The following CCR7 variants were observed in gnomAD, a reference collection of about 807,000 sequenced individuals.
The protein encoded by CCR7 is C-C motif chemokine receptor 7.
In CCR7, 11 loss-of-function variants were observed where a neutral mutation model predicts 26.0. The ratio of observed to expected loss-of-function variants is 0.42; its 90% CI spans 0.27 to 0.70. CCR7 has a LOEUF of 0.70. Ranked by LOEUF, CCR7 falls within the 30% of genes least tolerant of loss-of-function variation. CCR7 has a pLI of 0.23. For synonymous variants in CCR7, 189 were observed against 202.1 expected (o/e 0.94, Z 0.55); for missense variants, 360 against 504.0 (o/e 0.71, Z 2.74).
At chr17:40,561,817 G>A (rs2036658982) in intron 1 of CCR7, among the ~76,000 whole-genome samples, 1 of 152,074 alleles carries the variant, frequency 6.6e-6, no homozygotes, top group African/African-American at 2.4e-5. Flanking sequence ...GGATAAGGGA[G>A]GCAGAGGAGA....
chr17:40,562,332 A>T lies in CCR7; in HGVS notation c.10+3068T>A, dbSNP rs1346894748. On this transcript the variant is annotated intron_variant, in intron 1 of 2. Coordinates refer to ENST00000246657, the MANE Select transcript of CCR7 (RefSeq NM_001838.4). ...GAGAGGGACCTGAGATTTGAACAGG[A>T]TAGCAAGGTTTGGGCTCTGGCTACT... Among the ~76,000 whole-genome samples the T allele has an allele frequency of 5.9e-5, 9 of 152,314 alleles. No individual in the cohort carries two copies. The East Asian group carries it at 1.7e-3, about 29-fold the overall frequency.
Position 40,554,599 on chromosome 17 carries a change from A to C in CCR7, c.*143T>G. 1 of 695,372 alleles carries C rather than the reference A, an allele frequency of 1.4e-6. No individual in the cohort carries two copies. 43.1% of individuals were successfully genotyped at this position (695,372 alleles called of 1,614,324 possible). A position where few individuals can be genotyped will look rare whatever the true frequency, so the allele number is the denominator to read the frequency against. On this transcript the variant is annotated 3_prime_UTR_variant, in exon 3 of 3. Coordinates refer to ENST00000246657, the MANE Select transcript of CCR7 (RefSeq NM_001838.4). ...GGATTGGGGTGAAGCTATCTTCTGG[A>C]GCAGGGGCTTGCACTCTGAGGGGAG...
intron 2 of CCR7, among the ~76,000 whole-genome samples, chr17:40,557,387 G>A (rs1356744957): frequency 6.6e-6 from 1 of 152,236 alleles, no homozygotes; most frequent in Non-Finnish European, 1.5e-5. Flanking sequence ...ATCCATTTAT[G>A]CTGGAGGGAT....
chr17:40,555,691 A>G lies in CCR7; in HGVS notation c.188T>C (p.Ile63Thr), dbSNP rs1442908309. The change falls in exon 3 of 3, where the codon ATC becomes ACC. Residue 63 changes from isoleucine to threonine, a missense_variant. Coordinates refer to ENST00000246657, the MANE Select transcript of CCR7 (RefSeq NM_001838.4). The surrounding 1 kb of genome is among the most constrained non-coding windows in gnomAD (Gnocchi z 5.6). ...VRNFKAWFLP[I>T]MYSIICFVGL... is the part of the protein sequence containing the mutation. ...CACGAAACAAATGATGGAGTACATG[A>G]TAGGGAGGAACCAGGCTTTAAAGTT... The G allele has an allele frequency of 6.2e-7, 1 of 1,613,564 alleles. No homozygotes were observed. The highest frequency in any genetic ancestry group is 1.1e-5 in the South Asian group (1 of 91,044).
Position 40,565,383 on chromosome 17 carries a change from T to G in CCR7, c.10+17A>C. The stretch of plus-strand genomic sequence containing the variant: ...GACCCTGGTACTGTTCCTTCTCACA[T>G]GAAGAGGCTCACTCACCCAGGTCCA... On this transcript the variant is annotated intron_variant, in intron 1 of 2. Coordinates refer to ENST00000246657, the MANE Select transcript of CCR7 (RefSeq NM_001838.4). 1 of 1,610,394 alleles carries G rather than the reference T, an allele frequency of 6.2e-7. No individual in the cohort carries two copies. The highest frequency in any genetic ancestry group is 8.5e-7 in the Non-Finnish European group (1 of 1,176,612).
At chr17:40,558,595 C>T (rs2036617999) in intron 2 of CCR7, among the ~76,000 whole-genome samples, 1 of 152,202 alleles carries the variant, frequency 6.6e-6, no homozygotes, top group Non-Finnish European at 1.5e-5. Context: ...TCTCTAAGAA[C>T]TCAGAGTCCA....
intron 1 of CCR7, among the ~76,000 whole-genome samples, chr17:40,559,207 C>T (rs2036627171): frequency 6.6e-6 from 1 of 152,190 alleles, no homozygotes; most frequent in South Asian, 2.1e-4. Flanking sequence ...CCCCTCCCAC[C>T]CCCTGTCTTG....
Position 40,555,620 on chromosome 17 carries a change from T to C in CCR7, c.259A>G (p.Lys87Glu). 6.2e-7 allele frequency: 1 copy of C among 1,614,098 alleles called. No individual in the cohort carries two copies. Among genetic ancestry groups the C allele is most frequent in the Non-Finnish European group, 8.5e-7 (1 of 1,180,024 alleles). The change falls in exon 3 of 3, where the codon AAG becomes GAG. Residue 87 changes from lysine to glutamate, a missense_variant. By Grantham distance (56) the Lys-to-Glu change is moderately conservative (BLOSUM62 1). Coordinates refer to ENST00000246657, the MANE Select transcript of CCR7 (RefSeq NM_001838.4). This position sits in a 1 kb window ranked among gnomAD's most constrained non-coding sequence, Gnocchi z 5.6. ...GLVVLTYIYF[K>E]RLKTMTDTYL... ...GTATCGGTCATGGTCTTGAGCCTCTTGAAATAGATATAGGTCAACACGACC... is the reference window on the plus strand; with the variant it reads ...GTATCGGTCATGGTCTTGAGCCTCTCGAAATAGATATAGGTCAACACGACC...
rs893531259 is a variant in CCR7 at position 40,558,817 on chromosome 17, A to G, written c.60+76T>C. On this transcript the variant is annotated intron_variant, in intron 2 of 2. Transcript: ENST00000246657. ...GTCTTGTATCTTCTAGCAAATGCCCAGCTCCTCCACTAAACCCCTGACTTG... is the reference window on the plus strand; with the variant it reads ...GTCTTGTATCTTCTAGCAAATGCCCGGCTCCTCCACTAAACCCCTGACTTG... 2.1e-5 allele frequency: 28 copies of G among 1,307,810 alleles called. 1 individual carries two copies. Among genetic ancestry groups the G allele is most frequent in the South Asian group, 4.8e-5 (4 of 82,918 alleles). The allele number at this position is 1,307,810 out of a possible 1,614,324, so 81.0% of individuals were successfully genotyped here. A position where few individuals can be genotyped will look rare whatever the true frequency, so the allele number is the denominator to read the frequency against.
In CCR7 at chr17:40,554,249, C is replaced by T. The variant is rs1403238470; in HGVS notation, c.*493G>A. 1 of 154,012 alleles carries T rather than the reference C, an allele frequency of 6.5e-6. No individual in the cohort carries two copies. The highest frequency in any genetic ancestry group is 1.4e-5 in the Non-Finnish European group (1 of 69,334). The allele number at this position is 154,012 out of a possible 1,614,324, so 9.5% of individuals were successfully genotyped here. A position where few individuals can be genotyped will look rare whatever the true frequency, so the allele number is the denominator to read the frequency against. On this transcript the variant is annotated 3_prime_UTR_variant, in exon 3 of 3. Coordinates refer to ENST00000246657, the MANE Select transcript of CCR7 (RefSeq NM_001838.4). ...GGAGGGGTTCAGAGAGTTTGTTTGACCAGCTGATGTCCGCTTTTCCTCACC... is the reference window on the plus strand; with the variant it reads ...GGAGGGGTTCAGAGAGTTTGTTTGATCAGCTGATGTCCGCTTTTCCTCACC...
At position 40,555,258 on chromosome 17, in the gene CCR7, C is replaced by A; in HGVS notation, c.621G>T (p.Ala207=). 4 of 1,614,112 alleles carry A rather than the reference C, an allele frequency of 2.5e-6. No individual in the cohort carries two copies. Among genetic ancestry groups the A allele is most frequent in the Non-Finnish European group, 2.5e-6 (3 of 1,180,006 alleles). ...SDLQRSSSEQ[A]MRCSLITEHV... ...GCTCTGTGATGAGAGAGCATCGCAT[C>A]GCTTGCTCACTGCTGCTCCTCTGGA... The change falls in exon 3 of 3, where the codon GCG becomes GCT. Residue 207 remains alanine (A), a synonymous_variant. Transcript: ENST00000246657. This position sits in a 1 kb window ranked among gnomAD's most constrained non-coding sequence, Gnocchi z 5.6.
chr17:40,565,168 C>G (rs556959837), intron 1 of CCR7, among the ~76,000 whole-genome samples: 1 of 152,270 alleles, frequency 6.6e-6, no homozygotes, highest in African/African-American at 2.4e-5. Context: ...CTTGTCCCCA[C>G]TGGCACCAAA....
intron 1 of CCR7, among the ~76,000 whole-genome samples, chr17:40,559,372 G>A (rs2036629143): frequency 6.6e-6 from 1 of 152,226 alleles, no homozygotes; most frequent in African/African-American, 2.4e-5. Flanking sequence ...AGGTGCACAC[G>A]TTTCCAGCCC....
rs1327956292 is a variant in CCR7, at chr17:40,562,492, G to C, written c.10+2908C>G. On this transcript the variant is annotated intron_variant, in intron 1 of 2. Transcript: ENST00000246657. ...TCCCCCAACATCCCGGCCCCCAAAA[G>C]AGCCGGCCCCACCTCTGTTCTGACA... Among the ~76,000 whole-genome samples the C allele has an allele frequency of 2.0e-5, 3 of 152,104 alleles. No homozygotes were observed. In the South Asian group the frequency reaches 6.2e-4, roughly 32 times the overall value.
intron 1 of CCR7, among the ~76,000 whole-genome samples, chr17:40,561,977 C>A (rs765210538): frequency 6.6e-6 from 1 of 152,160 alleles, no homozygotes; most frequent in African/African-American, 2.4e-5. Context: ...GCTCTCACTG[C>A]GTGCCACACT....
In CCR7 at chr17:40,565,470, T is replaced by C; in HGVS notation, c.-61A>G. On this transcript the variant is annotated 5_prime_UTR_variant, in exon 1 of 3. Coordinates refer to ENST00000246657, the MANE Select transcript of CCR7 (RefSeq NM_001838.4). ...TGTGCCCGGCCTCGCACTACCCCTG[T>C]CTGGGGAGGAAGTGGTTCAAGCCCC... 1 of 1,572,584 alleles carries C rather than the reference T, an allele frequency of 6.4e-7. No homozygotes were observed. The highest frequency in any genetic ancestry group is 1.1e-5 in the South Asian group (1 of 90,288).
intron 1 of CCR7, among the ~76,000 whole-genome samples, chr17:40,562,493 A>G (rs1208821093): frequency 6.6e-6 from 1 of 152,030 alleles, no homozygotes; most frequent in East Asian, 1.9e-4. Flanking sequence ...CCCCCAAAAG[A>G]GCCGGCCCCA....
intron 1 of CCR7, 129 bp from the exon 2 acceptor site, chr17:40,559,071 A>G: frequency 1.4e-6 from 1 of 708,654 alleles, no homozygotes; most frequent in Non-Finnish European, 2.4e-6. Flanking sequence ...TTGCTGAAAG[A>G]GAACATCAGA....
At position 40,555,310 on chromosome 17, in the gene CCR7, G is replaced by C; in HGVS notation, c.569C>G (p.Ser190Cys). The C allele has an allele frequency of 6.2e-7, 1 of 1,614,162 alleles. No homozygotes were observed. Among genetic ancestry groups the C allele is most frequent in the Non-Finnish European group, 8.5e-7 (1 of 1,180,032 alleles). The change falls in exon 3 of 3, where the codon TCC becomes TGC. Residue 190 changes from serine (S) to cysteine (C), a missense_variant. By Grantham distance (112) the Ser-to-Cys change is moderately radical (BLOSUM62 -1). Coordinates refer to ENST00000246657, the MANE Select transcript of CCR7 (RefSeq NM_001838.4). The surrounding 1 kb of genome is among the most constrained non-coding windows in gnomAD (Gnocchi z 5.6). ...GTCACTGTACAGGAGCTCTGGGATG[G>C]AGAGCACTGTGGCTAGTATCCAGAT... ...VGIWILATVLSIPELLYSDLQ... is the reference protein window; with the variant it reads ...VGIWILATVLCIPELLYSDLQ...
Sources: gnomAD v4.1 joint callset for allele counts (sites outside exome capture counted in the v4.1 genomes callset) on GRCh38, gnomAD v4.1.1 for gene constraint, Gnocchi (gnomAD v3.1) non-coding constraint, MANE v1.5 for transcripts, NCBI Gene and HGNC (gene_info 2026-07-23, HGNC 2026-07-21) for gene names.